HS2ST1: variants seen among roughly 807,000 people sequenced by gnomAD.
The protein encoded by HS2ST1 is heparan sulfate 2-O-sulfotransferase 1.
HS2ST1 carries 18 observed loss-of-function variants against 42.9 expected under a neutral mutation model. The observed-to-expected ratio is 0.42, with a 90% confidence interval of 0.29 to 0.62. HS2ST1 has a LOEUF of 0.62. HS2ST1 is among the 20% of genes least tolerant of loss of function. The pLI is 0.21. For missense variants in HS2ST1, 334 were observed against 433.8 expected (o/e 0.77, Z 2.04); for synonymous variants, 146 against 152.9 (o/e 0.95, Z 0.33).
intron 3 of HS2ST1, among the ~76,000 whole-genome samples, chr1:87,085,973 A>G (rs1651807566): frequency 6.6e-6 from 1 of 152,224 alleles, no homozygotes; most frequent in Non-Finnish European, 1.5e-5. Flanking sequence ...TTGAAGGGAA[A>G]AGTATTGTGA....
intron 1 of HS2ST1, among the ~76,000 whole-genome samples, chr1:87,004,505 A>G (rs1428634458): frequency 1.3e-5 from 2 of 152,172 alleles, no homozygotes; most frequent in Non-Finnish European, 2.9e-5. Context: ...ATATTTATAT[A>G]TAACATTGTT....
At chr1:87,034,027 A>C (rs906892392) in intron 1 of HS2ST1, among the ~76,000 whole-genome samples, 19 of 152,198 alleles carry the variant, frequency 1.2e-4, no homozygotes, top group African/African-American at 4.3e-4. Context: ...TTGTCTAATG[A>C]GTAATATTTT....
intron 1 of HS2ST1, among the ~76,000 whole-genome samples, chr1:86,976,963 G>A (rs1648432079): frequency 1.3e-5 from 2 of 151,154 alleles, no homozygotes; most frequent in Admixed American, 6.6e-5. Context: ...GAGGTGGGAG[G>A]ATCTTTGAGC....
intron 1 of HS2ST1, among the ~76,000 whole-genome samples, chr1:86,964,217 C>A (rs1647964785): frequency 6.6e-6 from 1 of 152,222 alleles, no homozygotes; most frequent in South Asian, 2.1e-4. Context: ...AAAGACACTC[C>A]TCACTTCCCA....
chr1:86,950,759 A>T (rs1304875012), intron 1 of HS2ST1, among the ~76,000 whole-genome samples: 2 of 151,690 alleles, frequency 1.3e-5, no homozygotes, highest in Non-Finnish European at 1.5e-5. Context: ...CAGAGACTGA[A>T]TAATTTAGAT....
chr1:87,028,858 T>A (rs574096329), intron 1 of HS2ST1, among the ~76,000 whole-genome samples: 2 of 152,312 alleles, frequency 1.3e-5, no homozygotes, highest in African/African-American at 4.8e-5. Context: ...ATAAGTTTCT[T>A]CTAAAAAGTA....
At chr1:86,972,522 T>C (rs1648262136) in intron 1 of HS2ST1, among the ~76,000 whole-genome samples, 1 of 152,178 alleles carries the variant, frequency 6.6e-6, no homozygotes, top group African/African-American at 2.4e-5. Context: ...GCTATTTTAT[T>C]ATTGTTGCTG....
rs1660690707 is a variant in HS2ST1 at position 86,937,968 on chromosome 1, A to T, written c.124+22808A>T. On this transcript the variant is annotated intron_variant, in intron 1 of 6. Transcript: ENST00000370550. ...TTTAAAAATGCATTATATTTTTGTCATTGCCCTTTATTACATGTGTACTCA... is the reference window on the plus strand; with the variant it reads ...TTTAAAAATGCATTATATTTTTGTCTTTGCCCTTTATTACATGTGTACTCA... Among the ~76,000 whole-genome samples, 5 of 152,234 alleles carry T rather than the reference A, an allele frequency of 3.3e-5. No individual in the cohort carries two copies. The South Asian group carries it at 1.0e-3, about 32-fold the overall frequency.
chr1:87,040,429 G>T (rs1650491150), intron 1 of HS2ST1, among the ~76,000 whole-genome samples: 1 of 152,056 alleles, frequency 6.6e-6, no homozygotes, highest in Non-Finnish European at 1.5e-5. Context: ...GCCCGTCTTT[G>T]AAGTACCTAT....
At chr1:86,951,057 T>TA (rs1171617730) in intron 1 of HS2ST1, among the ~76,000 whole-genome samples, 2 of 152,244 alleles carry the variant, frequency 1.3e-5, no homozygotes, top group Admixed American at 6.5e-5. Context: ...ACATAAGTAA[T>TA]ACATCTTAGT....
In HS2ST1 at chr1:87,104,590, A is replaced by G. The variant is rs781246006; in HGVS notation, c.965A>G (p.Glu322Gly). ...MENEFYEFAL[E>G]QFQFIRAHAV... ...AATGAGTTCTATGAATTTGCACTAG[A>G]GCAGTTCCAATTCATCAGAGCCCAT... is the stretch of plus-strand genomic sequence containing the variant. The change falls in exon 7 of 7, where the codon GAG (glutamate) becomes GGG (glycine). Residue 322 changes from glutamate (E) to glycine (G), a missense_variant. Physicochemically the swap from Glu to Gly is moderately conservative, Grantham distance 98. Coordinates refer to ENST00000370550, the MANE Select transcript of HS2ST1 (RefSeq NM_012262.4). 2.5e-6 allele frequency: 4 copies of G among 1,612,548 alleles called. No homozygotes were observed. The highest frequency in any genetic ancestry group is 3.4e-6 in the Non-Finnish European group (4 of 1,178,588).
intron 1 of HS2ST1, among the ~76,000 whole-genome samples, chr1:86,920,722 G>A (rs766888117): frequency 1.2e-4 from 19 of 152,116 alleles, no homozygotes; most frequent in Non-Finnish European, 2.2e-4. Context: ...TCATAATCAT[G>A]GTTCACTATA....
intron 4 of HS2ST1, among the ~76,000 whole-genome samples, chr1:87,097,490 T>G (rs1570546301): frequency 6.6e-6 from 1 of 152,032 alleles, no homozygotes; most frequent in Non-Finnish European, 1.5e-5. Context: ...ACCTCCTGGG[T>G]TCAAGCGATT....
At chr1:86,977,031 CAGAG>C (rs1648433718) in intron 1 of HS2ST1, among the ~76,000 whole-genome samples, 1 of 151,918 alleles carries the variant, frequency 6.6e-6, no homozygotes, top group African/African-American at 2.4e-5. Context: ...GCCTGGGCAA[CAGAG>C]AGAAACCTTG....
intron 1 of HS2ST1, among the ~76,000 whole-genome samples, chr1:87,043,491 C>T (rs886612833): frequency 4.6e-5 from 7 of 152,000 alleles, no homozygotes; most frequent in Admixed American, 2.6e-4. Flanking sequence ...TATTGTAAAG[C>T]AAGATAGTAA....
At position 87,080,428 on chromosome 1, in the gene HS2ST1, G is replaced by C. The variant is rs1651655717; in HGVS notation, c.364-3766G>C. On this transcript the variant is annotated intron_variant, in intron 2 of 6. Coordinates refer to ENST00000370550, the MANE Select transcript of HS2ST1 (RefSeq NM_012262.4). The stretch of plus-strand genomic sequence containing the variant: ...GTAGTTTTGAACGACTGGATCTGAG[G>C]GATTGCCTTAGTAGTGGATAGAAGT... 2.0e-5 allele frequency among the ~76,000 whole-genome samples: 3 copies of C among 152,118 alleles called. No homozygotes were observed. The South Asian group carries it at 6.2e-4, about 32-fold the overall frequency.
At chr1:87,022,522 T>A (rs1223662481) in intron 1 of HS2ST1, among the ~76,000 whole-genome samples, 2 of 152,174 alleles carry the variant, frequency 1.3e-5, no homozygotes, top group African/African-American at 2.4e-5. Flanking sequence ...GCACAGTTTT[T>A]AAAATACATG....
At chr1:87,023,197 A>T (rs1318118673) in intron 1 of HS2ST1, among the ~76,000 whole-genome samples, 2 of 152,208 alleles carry the variant, frequency 1.3e-5, no homozygotes, top group African/African-American at 4.8e-5. Context: ...GAAAAAATAT[A>T]CAAAATTTTA....
chr1:87,028,338 C>T (rs1650140403), intron 1 of HS2ST1, among the ~76,000 whole-genome samples: 2 of 152,156 alleles, frequency 1.3e-5, no homozygotes, highest in African/African-American at 2.4e-5. Flanking sequence ...GTCTTCCAAT[C>T]GCCCTTCAAA....
Sources: gnomAD v4.1 joint callset for allele counts (sites outside exome capture counted in the v4.1 genomes callset) on GRCh38, gnomAD v4.1.1 for gene constraint, MANE v1.5 for transcripts, NCBI Gene and HGNC (gene_info 2026-07-23, HGNC 2026-07-21) for gene names.